SLC7A6: variants seen among roughly 807,000 people sequenced by gnomAD.
The protein encoded by SLC7A6 is Y+L amino acid transporter 2.
A neutral mutation model predicts 46.6 loss-of-function variants in SLC7A6; 29 were observed. That is an observed-to-expected ratio of 0.62 (90% CI 0.46 to 0.85). The LOEUF (loss-of-function observed/expected upper bound fraction) is 0.85. Among genes scored for constraint, SLC7A6 ranks in the 40% least tolerant of loss-of-function variants. The pLI, the probability that SLC7A6 is intolerant of heterozygous loss-of-function variation, is 0.00. For synonymous variants in SLC7A6, 276 were observed against 257.3 expected, an observed-to-expected ratio of 1.07 and a Z score of -0.70; for missense variants, 527 against 647.6, an observed-to-expected ratio of 0.81 and a Z score of 2.02.
intron 3 of SLC7A6, chr16:68,287,396 C>T: frequency 7.7e-7 from 1 of 1,304,316 alleles, no homozygotes; most frequent in Non-Finnish European, 1.0e-6. Context: ...GGTCTTGTGT[C>T]TCCTGTGGTT....
intron 7 of SLC7A6, among the ~76,000 whole-genome samples, chr16:68,293,136 G>T (rs1474620427): frequency 6.6e-6 from 1 of 152,202 alleles, no homozygotes; most frequent in Non-Finnish European, 1.5e-5. Context: ...ATAGTGTCCA[G>T]CTGGGCGTGG....
intron 3 of SLC7A6, among the ~76,000 whole-genome samples, chr16:68,286,337 G>A (rs2042932436): frequency 1.3e-5 from 2 of 152,122 alleles, no homozygotes; most frequent in African/African-American, 4.8e-5. Context: ...AGGTTTTACA[G>A]AGGAAGAGGA....
intron 2 of SLC7A6, among the ~76,000 whole-genome samples, chr16:68,271,513 A>G (rs1567581956): frequency 6.6e-6 from 1 of 150,644 alleles, no homozygotes; most frequent in Non-Finnish European, 1.5e-5. Flanking sequence ...GGGTTTTGCC[A>G]TTGCCCAGGC....
Position 68,299,720 on chromosome 16 carries a change from CTT to C in SLC7A6, c.*2394_*2395del, listed in dbSNP as rs1310881154. The C allele has an allele frequency of 1.3e-5, 2 of 152,122 alleles. No homozygotes were observed. The highest frequency in any genetic ancestry group is 2.9e-5 in the Non-Finnish European group (2 of 68,026). The allele number at this position is 152,122 out of a possible 1,614,324, so 9.4% of individuals were successfully genotyped here. Reference sequence around the variant, plus strand: ...TGCTGTATGAGAATGGCTTTCAATCCTTTGTTTCTATGCCTACAGACAGAAAG... The same window carrying C: ...TGCTGTATGAGAATGGCTTTCAATCCTGTTTCTATGCCTACAGACAGAAAG... On this transcript the variant is annotated 3_prime_UTR_variant, in exon 11 of 11. Coordinates refer to ENST00000219343, the MANE Select transcript of SLC7A6 (RefSeq NM_003983.6).
intron 2 of SLC7A6, chr16:68,272,909 G>A (rs1314616843): frequency 1.3e-5 from 2 of 152,216 alleles, no homozygotes; most frequent in African/African-American, 4.8e-5. Context: ...TTGTTCTAAT[G>A]GATGCCTGGG....
In SLC7A6 at chr16:68,286,091, CAAAAAAAAAAA is replaced by C. The variant is rs1165671231; in HGVS notation, c.524-1642_524-1632del. On this transcript the variant is annotated intron_variant, in intron 3 of 10. Coordinates refer to ENST00000219343, the MANE Select transcript of SLC7A6 (RefSeq NM_003983.6). ...TGGGTGACAGAGCAAGACCCTGTCT[CAAAAAAAAAAA>C]AAAAAAAAAAAAGAAGGAAAGAAGG... Among the ~76,000 whole-genome samples, 10 of 44,230 alleles carry C rather than the reference CAAAAAAAAAAA, an allele frequency of 2.3e-4. No individual in the cohort carries two copies. The South Asian group carries it at 8.6e-3, about 38-fold the overall frequency. The allele number at this position is 44,230 out of a possible 152,430, so 29.0% of individuals were successfully genotyped here.
intron 2 of SLC7A6, among the ~76,000 whole-genome samples, chr16:68,269,707 T>C (rs568573284): frequency 6.6e-6 from 1 of 151,322 alleles, no homozygotes; most frequent in African/African-American, 2.4e-5. Flanking sequence ...TGAGCCAAGA[T>C]TGTACCACTG....
At chr16:68,265,656 T>G (rs1230118826) in intron 1 of SLC7A6, 1 of 152,184 alleles carries the variant, frequency 6.6e-6, no homozygotes, top group South Asian at 2.1e-4. Context: ...TTTGGGGACC[T>G]GCCCAGGCTG....
Position 68,274,954 on chromosome 16 carries a change from C to G in SLC7A6, c.228C>G (p.Ser76=). The change falls in exon 3 of 11, where the codon TCC becomes TCG. Residue 76 remains serine (S), a synonymous_variant. Transcript: ENST00000219343. ...AGGGTGTGCTGGTACACACTGCCTC[C>G]TATGGGATGTCACTGATTGTGTGGG... ...SPKGVLVHTA[S]YGMSLIVWAI... 6.2e-7 allele frequency: 1 copy of G among 1,614,210 alleles called. No homozygotes were observed. The highest frequency in any genetic ancestry group is 8.5e-7 in the Non-Finnish European group (1 of 1,180,042).
chr16:68,270,861 ATTTTTT>A lies in SLC7A6; in HGVS notation c.-36-3818_-36-3813del, dbSNP rs11301249. Among the ~76,000 whole-genome samples, 14 of 142,908 alleles carry A rather than the reference ATTTTTT, an allele frequency of 9.8e-5. No homozygotes were observed. In the East Asian group the frequency reaches 2.8e-3, roughly 29 times the overall value. The allele number at this position is 142,908 out of a possible 152,430, so 93.8% of individuals were successfully genotyped here. ...TTGAGGACTTTCCATTTTATATTGG[ATTTTTT>A]TTTTTTTTTTTGAAACAGTCTTGCT... On this transcript the variant is annotated intron_variant, in intron 2 of 10. Coordinates refer to ENST00000219343, the MANE Select transcript of SLC7A6 (RefSeq NM_003983.6).
In SLC7A6 at chr16:68,296,535, A is replaced by C. The variant is rs1671171462; in HGVS notation, c.1269+22A>C. 4.3e-6 allele frequency: 7 copies of C among 1,613,820 alleles called. No individual in the cohort carries two copies. The South Asian group carries it at 7.7e-5, about 18-fold the overall frequency. On this transcript the variant is annotated intron_variant, in intron 9 of 10. Coordinates refer to ENST00000219343, the MANE Select transcript of SLC7A6 (RefSeq NM_003983.6). ...CAAGGTCAGCAGCTCTGGCCAGACT[A>C]GGAGGGGTGGGCCATCTCCCTAAGG...
Position 68,294,795 on chromosome 16 carries a change from G to A in SLC7A6, c.1113G>A (p.Leu371=), listed in dbSNP as rs759136369. 14 of 1,611,816 alleles carry A rather than the reference G, an allele frequency of 8.7e-6. No homozygotes were observed. Residue 371 remains leucine (L), a synonymous_variant, in exon 8 of 11, where the codon CTG becomes CTA. Coordinates refer to ENST00000219343, the MANE Select transcript of SLC7A6 (RefSeq NM_003983.6). Reference sequence around the variant, plus strand: ...GTTTTACACCTATCCCTGCTTTACTGTTCAATGTAAGCTTTGCTGGGACCA... The same window carrying A: ...GTTTTACACCTATCCCTGCTTTACTATTCAATGTAAGCTTTGCTGGGACCA... ...IERFTPIPAL[L]FNCTMALIYL...
rs773220315 is a variant in SLC7A6 at position 68,297,334 on chromosome 16, A to T, written c.*6A>T. 1 of 1,613,722 alleles carries T rather than the reference A, an allele frequency of 6.2e-7. No homozygotes were observed. Among genetic ancestry groups the T allele is most frequent in the Non-Finnish European group, 8.5e-7 (1 of 1,179,750 alleles). On this transcript the variant is annotated 3_prime_UTR_variant, in exon 11 of 11. Coordinates refer to ENST00000219343, the MANE Select transcript of SLC7A6 (RefSeq NM_003983.6). ...ATGAGAGGAAAACTGACTAGAGGTC[A>T]GAGGTGGCTTTCTGAGGCCTGGAAG...
chr16:68,288,704 G>A (rs529406018), intron 4 of SLC7A6, among the ~76,000 whole-genome samples: 8 of 152,068 alleles, frequency 5.3e-5, no homozygotes, highest in African/African-American at 1.7e-4. Flanking sequence ...GGTGGCTCAC[G>A]CCTGTAATCC....
rs2043264273 is a variant in SLC7A6 at position 68,301,110 on chromosome 16, A to G, written c.*3782A>G. ...TAAGTGGAAAAGACTCACTCCCCTA[A>G]CATAAGTTTTCACTGTGGTGGGATG... On this transcript the variant is annotated 3_prime_UTR_variant, in exon 11 of 11. Transcript: ENST00000219343. 1.5e-6 allele frequency: 2 copies of G among 1,354,442 alleles called. No homozygotes were observed. The highest frequency in any genetic ancestry group is 1.9e-6 in the Non-Finnish European group (2 of 1,050,210). The allele number at this position is 1,354,442 out of a possible 1,614,324, so 83.9% of individuals were successfully genotyped here.
Position 68,300,946 on chromosome 16 carries a change from T to G in SLC7A6, c.*3618T>G. The G allele has an allele frequency of 2.0e-6, 2 of 1,012,474 alleles. No individual in the cohort carries two copies. The highest frequency in any genetic ancestry group is 2.4e-6 in the Non-Finnish European group (2 of 847,944). The allele number at this position is 1,012,474 out of a possible 1,614,324, so 62.7% of individuals were successfully genotyped here. On this transcript the variant is annotated 3_prime_UTR_variant, in exon 11 of 11. Transcript: ENST00000219343. ...GAAATGGGAACCTCCCCCTCCCTTG[T>G]GGTTTCAGCACAGAACCTGAATGCC... is the stretch of plus-strand genomic sequence containing the variant.
At chr16:68,271,799 TTTTTC>T (rs200248294) in intron 2 of SLC7A6, among the ~76,000 whole-genome samples, 8 of 149,476 alleles carry the variant, frequency 5.4e-5, no homozygotes, top group Non-Finnish European at 6.0e-5. Flanking sequence ...AACAATTGCA[TTTTTC>T]TTTTCTTTTT....
At chr16:68,296,209 G>T (rs2043162101) in intron 8 of SLC7A6, among the ~76,000 whole-genome samples, 155 bp from the exon 9 acceptor site, 1 of 152,084 alleles carries the variant, frequency 6.6e-6, no homozygotes, top group Non-Finnish European at 1.5e-5. Context: ...GGTACATCAA[G>T]GAATGGACCT....
chr16:68,280,586 TA>T (rs36011969), intron 3 of SLC7A6, among the ~76,000 whole-genome samples: 95,827 of 149,662 alleles, frequency 0.64, 30,617 homozygotes, highest in East Asian at 0.81. Flanking sequence ...GTAGCTTCTT[TA>T]AAAAAAAAAA....
Sources: gnomAD v4.1 joint callset for allele counts (sites outside exome capture counted in the v4.1 genomes callset) on GRCh38, gnomAD v4.1.1 for gene constraint, MANE v1.5 for transcripts, NCBI Gene and HGNC (gene_info 2026-07-23, HGNC 2026-07-21) for gene names.